Variants in NOS3 observed in about 807,000 individuals in gnomAD.
NOS3 encodes the protein nitric oxide synthase 3, also known as NOS type III.
NOS3 carries 98 observed loss-of-function variants against 144.9 expected under a neutral mutation model. The observed-to-expected ratio is 0.68, with a 90% CI of 0.57 to 0.80. The LOEUF (loss-of-function observed/expected upper bound fraction) is 0.80. Ranked by LOEUF, NOS3 falls within the 30% of genes least tolerant of loss-of-function variation. The pLI is 0.00. For missense variants in NOS3, 1,465 were observed against 1,656.4 expected, an observed-to-expected ratio of 0.88 and a Z score of 2.01; for synonymous variants, 714 against 702.4, an observed-to-expected ratio of 1.02 and a Z score of -0.26.
intron 14 of NOS3, among the ~76,000 whole-genome samples, chr7:151,005,510 C>T (rs1795193823): frequency 1.3e-5 from 2 of 152,158 alleles, no homozygotes; most frequent in African/African-American, 2.4e-5. Context: ...CCCATGAAAT[C>T]CACTAAAACA....
rs941676349 is a variant in NOS3, at chr7:151,002,535, C to T, written c.1752+231C>T. Among the ~76,000 whole-genome samples, 1 of 152,156 alleles carries T rather than the reference C, an allele frequency of 6.6e-6. No individual in the cohort carries two copies. The highest frequency in any genetic ancestry group is 1.5e-5 in the Non-Finnish European group (1 of 68,022). On this transcript the variant is annotated intron_variant, in intron 14 of 26. Coordinates refer to ENST00000297494, the MANE Select transcript of NOS3 (RefSeq NM_000603.5). The surrounding 1 kb of genome is among the most constrained non-coding windows in gnomAD (Gnocchi z 4.1). ...CTACGCTCCCAGCCCACCCATGTGG[C>T]TGCCTCCCTGCAAGCACATTTGCTT...
In NOS3 at chr7:151,010,954, G is replaced by A; in HGVS notation, c.2952G>A (p.Lys984=). ...GCTCCACGTGGCTAAGCCAGCTCAA[G>A]CCCGGAGACCCTGTGCCCTGCTTCA... ...GVCSTWLSQL[K]PGDPVPCFIR... The change falls in exon 23 of 27, where the codon AAG becomes AAA. Residue 984 remains lysine, a synonymous_variant. Transcript: ENST00000297494. The A allele has an allele frequency of 6.2e-7, 1 of 1,613,966 alleles. No individual in the cohort carries two copies. Among genetic ancestry groups the A allele is most frequent in the South Asian group, 1.1e-5 (1 of 91,024 alleles).
At chr7:151,013,520 C>G in intron 25 of NOS3, 141 bp downstream of exon 25, 1 of 1,210,850 alleles carries the variant, frequency 8.3e-7, no homozygotes, top group Non-Finnish European at 1.1e-6. Flanking sequence ...TCTGGCCCAC[C>G]CTTGTGCCCC....
intron 3 of NOS3, 59 bp from the exon 4 acceptor site, chr7:150,996,345 A>G: frequency 1.6e-5 from 1 of 61,686 alleles, no homozygotes; most frequent in Non-Finnish European, 3.1e-5. Context: ...CCCTGCCCCC[A>G]ACTCCCATCC....
Position 150,998,751 on chromosome 7 carries a change from G to C in NOS3, c.816+71G>C. 1 of 1,537,816 alleles carries C rather than the reference G, an allele frequency of 6.5e-7. No homozygotes were observed. The highest frequency in any genetic ancestry group is 2.3e-5 in the East Asian group (1 of 42,740). Reference sequence around the variant, plus strand: ...TGAGGAAACCAGTGGGAGAAGGCTCGGGGGATCCAGGCAGGAAGAGGGGAG... The same window carrying C: ...TGAGGAAACCAGTGGGAGAAGGCTCCGGGGATCCAGGCAGGAAGAGGGGAG... On this transcript the variant is annotated intron_variant, in intron 7 of 26. Transcript: ENST00000297494. This position sits in a 1 kb window ranked among gnomAD's most constrained non-coding sequence, Gnocchi z 5.0.
At chr7:151,012,176 A>C (rs986031705) in intron 23 of NOS3, 175 bp from the exon 24 acceptor site, 1 of 565,460 alleles carries the variant, frequency 1.8e-6, no homozygotes, top group African/African-American at 1.9e-5. Flanking sequence ...AATCTCCAGA[A>C]ACCACAGATC....
Position 151,013,859 on chromosome 7 carries a change from C to A in NOS3, c.3391C>A (p.Leu1131Met). The stretch of plus-strand genomic sequence containing the variant: ...CGTCCTGCAGACCGTGCAGCGCATC[C>A]TGGCGACGGAGGGCGACATGGAGCT... ...TNVLQTVQRI[L>M]ATEGDMELDE... Residue 1131 changes from leucine to methionine, a missense_variant, in exon 26 of 27, where the codon CTG becomes ATG. Physicochemically the swap from Leu to Met is conservative, Grantham distance 15. Around this residue, in one of 5 missense-constraint regions of NOS3, gnomAD observed 228 missense variants for 227.7 expected, o/e 1.00. Coordinates refer to ENST00000297494, the MANE Select transcript of NOS3 (RefSeq NM_000603.5). 1 of 1,604,358 alleles carries A rather than the reference C, an allele frequency of 6.2e-7. No individual in the cohort carries two copies.
In NOS3 at chr7:150,999,411, C is replaced by A. The variant is rs1386085649; in HGVS notation, c.1131+47C>A. ...GGGCACCGAATGCACCTGTCCAAGG[C>A]AGGAGTCTGGCTCTCACTCCATCCC... On this transcript the variant is annotated intron_variant, in intron 9 of 26. Transcript: ENST00000297494. The A allele has an allele frequency of 2.6e-6, 4 of 1,514,626 alleles. No individual in the cohort carries two copies. In the African/African-American group the frequency reaches 5.6e-5, roughly 21 times the overall value. 93.8% of individuals were successfully genotyped at this position (1,514,626 alleles called of 1,614,324 possible).
chr7:150,998,285 CCTCTGGAG>C lies in NOS3; in HGVS notation c.583-69_583-62del. 1 of 1,396,772 alleles carries C rather than the reference CCTCTGGAG, an allele frequency of 7.2e-7. No homozygotes were observed. The highest frequency in any genetic ancestry group is 1.2e-5 in the South Asian group (1 of 81,048). The allele number at this position is 1,396,772 out of a possible 1,614,324, so 86.5% of individuals were successfully genotyped here. ...GGCCCCTGCCTCCTCACCAGCAGCT[CCTCTGGAG>C]CTGATACTCAAGACCCCCCGTCTCT... is the stretch of plus-strand genomic sequence containing the variant. On this transcript the variant is annotated intron_variant, in intron 5 of 26. Coordinates refer to ENST00000297494, the MANE Select transcript of NOS3 (RefSeq NM_000603.5). This position sits in a 1 kb window ranked among gnomAD's most constrained non-coding sequence, Gnocchi z 5.0.
At chr7:151,009,325 C>T (rs1324984598) in intron 19 of NOS3, 58 bp downstream of exon 19, 3 of 1,280,988 alleles carry the variant, frequency 2.3e-6, no homozygotes, top group African/African-American at 1.4e-5. Flanking sequence ...TGACCCTGGA[C>T]CCTCCTCCTC....
At position 151,001,954 on chromosome 7, in the gene NOS3, T is replaced by A; in HGVS notation, c.1636T>A (p.Phe546Ile). 6.2e-7 allele frequency: 1 copy of A among 1,613,354 alleles called. No individual in the cohort carries two copies. Among genetic ancestry groups the A allele is most frequent in the Non-Finnish European group, 8.5e-7 (1 of 1,179,978 alleles). Residue 546 changes from phenylalanine to isoleucine, a missense_variant, in exon 13 of 27, where the codon TTT becomes ATT. By Grantham distance (21) the Phe-to-Ile change is conservative. Coordinates refer to ENST00000297494, the MANE Select transcript of NOS3 (RefSeq NM_000603.5). ...GCTGGGGAGACTCTTCCGGAAGGCT[T>A]TTGATCCCCGGGTAGGGCTGAGCCC... ...QQLGRLFRKA[F>I]DPRVLCMDEY...
intron 20 of NOS3, 107 bp downstream of exon 20, chr7:151,009,692 T>A: frequency 1.1e-6 from 1 of 924,094 alleles, no homozygotes; most frequent in Non-Finnish European, 1.6e-6. Flanking sequence ...GGTGGCCACC[T>A]CCTCCACAGC....
chr7:150,993,939 C>G lies in NOS3; in HGVS notation c.136C>G (p.Leu46Val). ...GCCCAGCCGGGCCCCAGCATCCCTA[C>G]TCCCACCAGCGCCAGAACACAGGTA... ...PEPSRAPASL[L>V]PPAPEHSPPS... The change falls in exon 2 of 27, where the codon CTC becomes GTC. Residue 46 changes from leucine (L) to valine (V), a missense_variant. Physicochemically the swap from Leu to Val is conservative, Grantham distance 32. Around this residue, in one of 5 missense-constraint regions of NOS3, gnomAD observed 374 missense variants for 377.0 expected, o/e 0.99. Transcript: ENST00000297494. The surrounding 1 kb of genome is among the most constrained non-coding windows in gnomAD (Gnocchi z 4.0). 1 of 1,571,118 alleles carries G rather than the reference C, an allele frequency of 6.4e-7. No individual in the cohort carries two copies. Among genetic ancestry groups the G allele is most frequent in the Non-Finnish European group, 8.6e-7 (1 of 1,160,346 alleles).
intron 17 of NOS3, among the ~76,000 whole-genome samples, chr7:151,008,223 A>G (rs1563228196): frequency 6.6e-6 from 1 of 152,088 alleles, no homozygotes. Flanking sequence ...ATAGGAAGGA[A>G]GGGAGGGAGG....
rs35281220 is a variant in NOS3, at chr7:150,998,665, C to T, written c.801C>T (p.Asn267=). Reference sequence around the variant, plus strand: ...GCTCTGTGCGGGGGGACCCAGCCAACGTGGAGATCACCGAGGTGGGCACCG... The same window carrying T: ...GCTCTGTGCGGGGGGACCCAGCCAATGTGGAGATCACCGAGGTGGGCACCG... ...QDGSVRGDPA[N]VEITELCIQH... The change falls in exon 7 of 27, where the codon AAC becomes AAT. Residue 267 remains asparagine (N), a synonymous_variant. Transcript: ENST00000297494. The surrounding 1 kb of genome is among the most constrained non-coding windows in gnomAD (Gnocchi z 5.0). 98 of 1,607,588 alleles carry T rather than the reference C, an allele frequency of 6.1e-5. 1 individual carries two copies. The highest frequency in any genetic ancestry group is 3.1e-4 in the African/African-American group (23 of 75,030).
chr7:151,006,358 C>T, intron 14 of NOS3, 69 bp from the exon 15 acceptor site: 1 of 1,053,540 alleles, frequency 9.5e-7, no homozygotes, highest in South Asian at 1.3e-5. Flanking sequence ...TCAGCTGGTA[C>T]AGTTTTAAAC....
At chr7:150,996,339 G>GC in intron 3 of NOS3, 65 bp from the exon 4 acceptor site, 1 of 79,386 alleles carries the variant, frequency 1.3e-5, no homozygotes, top group Non-Finnish European at 2.4e-5. Context: ...CCTCCTCCCT[G>GC]CCCCCAACTC....
chr7:151,011,493 C>T (rs1178188148), intron 23 of NOS3, among the ~76,000 whole-genome samples: 1 of 145,100 alleles, frequency 6.9e-6, no homozygotes, highest in Middle Eastern at 3.3e-3. Flanking sequence ...CTTACTGCAA[C>T]CTCCGCCTCC....
intron 9 of NOS3, 55 bp downstream of exon 9, chr7:150,999,419 T>C: frequency 1.3e-6 from 2 of 1,500,734 alleles, no homozygotes; most frequent in Non-Finnish European, 1.8e-6. Context: ...GGCAGGAGTC[T>C]GGCTCTCACT....
Sources: gnomAD v4.1 joint callset for allele counts (sites outside exome capture counted in the v4.1 genomes callset) on GRCh38, gnomAD v4.1.1 for gene constraint, gnomAD v4.1.1 regional missense constraint, Gnocchi (gnomAD v3.1) non-coding constraint, MANE v1.5 for transcripts, NCBI Gene and HGNC (gene_info 2026-07-23, HGNC 2026-07-21) for gene names.